Variants in SMCHD1 observed in about 807,000 individuals in gnomAD.
SMCHD1 encodes the protein structural maintenance of chromosomes flexible hinge domain containing 1.
In SMCHD1, 78 loss-of-function variants were observed where a neutral mutation model predicts 254.7. That is an observed-to-expected ratio of 0.31 (90% CI 0.26 to 0.37). The LOEUF (loss-of-function observed/expected upper bound fraction) is 0.37, where lower values mean the gene tolerates loss of function less well. Ranked by LOEUF, SMCHD1 falls within the 10% of genes least tolerant of loss-of-function variation. SMCHD1 has a pLI of 1.00. For synonymous variants in SMCHD1, 766 were observed against 794.9 expected, an observed-to-expected ratio of 0.96 and a Z score of 0.61; for missense variants, 1,840 against 2,408.1, an observed-to-expected ratio of 0.76 and a Z score of 4.94.
In SMCHD1 at chr18:2,796,521, G is replaced by A. The variant is rs763202284; in HGVS notation, c.5993G>A (p.Arg1998Lys). 6.4e-7 allele frequency: 1 copy of A among 1,567,736 alleles called. No individual in the cohort carries two copies. Among genetic ancestry groups the A allele is most frequent in the Non-Finnish European group, 8.7e-7 (1 of 1,148,350 alleles). Residue 1998 changes from arginine (R) to lysine (K), a missense_variant and splice_region_variant, in exon 47 of 48, where the codon AGG (arginine) becomes AAG (lysine). By Grantham distance (26) the Arg-to-Lys change is conservative (BLOSUM62 2). Coordinates refer to ENST00000320876, the MANE Select transcript of SMCHD1 (RefSeq NM_015295.3). ...RMRREATRQN[R>K]IITKTDV is the part of the protein sequence containing the mutation. Reference sequence around the variant, plus strand: ...AGACGAGAAGCTACAAGACAAAATAGGTGAGTTTGTTTGACCTGAGAATTA... The same window carrying A: ...AGACGAGAAGCTACAAGACAAAATAAGTGAGTTTGTTTGACCTGAGAATTA...
intron 8 of SMCHD1, among the ~76,000 whole-genome samples, chr18:2,694,945 A>T (rs1039140891): frequency 2.0e-5 from 3 of 152,220 alleles, no homozygotes; most frequent in Non-Finnish European, 4.4e-5. Context: ...TTATAAAATT[A>T]AAAAAGAACT....
At chr18:2,752,405 A>G in intron 33 of SMCHD1, 83 bp from the exon 34 acceptor site, 3 of 827,796 alleles carry the variant, frequency 3.6e-6, no homozygotes, top group Non-Finnish European at 6.2e-6. Context: ...CAGTTTAGGT[A>G]TATAATAAGC....
At chr18:2,787,058 G>T (rs1290131812) in intron 45 of SMCHD1, among the ~76,000 whole-genome samples, 2 of 152,144 alleles carry the variant, frequency 1.3e-5, no homozygotes, top group East Asian at 3.8e-4. Context: ...ACTTAATTTG[G>T]CATACACTTC....
At chr18:2,802,068 A>T (rs1411603085) in intron 47 of SMCHD1, among the ~76,000 whole-genome samples, 1 of 152,156 alleles carries the variant, frequency 6.6e-6, no homozygotes, top group South Asian at 2.1e-4. Flanking sequence ...AATTTTTAAA[A>T]TCTGTAGCTA....
At chr18:2,735,629 G>A (rs755820631) in intron 25 of SMCHD1, among the ~76,000 whole-genome samples, 5 of 152,068 alleles carry the variant, frequency 3.3e-5, no homozygotes, top group Admixed American at 6.5e-5. Flanking sequence ...TCTGTACTAC[G>A]TTTTAAGCTG....
chr18:2,709,492 T>C (rs1264812186), intron 17 of SMCHD1, among the ~76,000 whole-genome samples: 3 of 152,180 alleles, frequency 2.0e-5, no homozygotes, highest in Non-Finnish European at 2.9e-5. Context: ...GGTTGCCTCA[T>C]TGTACATTCC....
chr18:2,674,224 GC>G lies in SMCHD1; in HGVS notation c.638+80del, dbSNP rs2073688696. On this transcript the variant is annotated intron_variant, in intron 5 of 47. Transcript: ENST00000320876. Reference sequence around the variant, plus strand: ...ATAAAAAACTGGTATGCCTTTGGATGCATATGATACATTGGAGGTTTTACTG... The same window carrying G: ...ATAAAAAACTGGTATGCCTTTGGATGATATGATACATTGGAGGTTTTACTG... The G allele has an allele frequency of 3.3e-6, 4 of 1,200,568 alleles. No individual in the cohort carries two copies. The Admixed American group carries it at 1.2e-4, about 37-fold the overall frequency. 74.4% of individuals were successfully genotyped at this position (1,200,568 alleles called of 1,614,324 possible).
At chr18:2,772,076 T>C (rs2075994352) in intron 40 of SMCHD1, among the ~76,000 whole-genome samples, 174 bp from the exon 41 acceptor site, 1 of 152,148 alleles carries the variant, frequency 6.6e-6, no homozygotes, top group South Asian at 2.1e-4. Context: ...TTTTTAAAAT[T>C]GTGTTTTCTT....
intron 45 of SMCHD1, among the ~76,000 whole-genome samples, chr18:2,792,793 C>T (rs935850200): frequency 2.0e-5 from 3 of 151,954 alleles, no homozygotes; most frequent in South Asian, 2.1e-4. Flanking sequence ...TGAATAGTGA[C>T]GAAGATTAGT....
rs1224619867 is a variant in SMCHD1 at position 2,718,733 on chromosome 18, A to T, written c.2458+299A>T. 6.6e-6 allele frequency among the ~76,000 whole-genome samples: 1 copy of T among 151,792 alleles called. No homozygotes were observed. The highest frequency in any genetic ancestry group is 1.5e-5 in the Non-Finnish European group (1 of 67,928). ...ACCACACCTGGCTTTTTGTATTTTT[A>T]GTAAAGACAAAGTTTCGCCATGTTG... On this transcript the variant is annotated intron_variant, in intron 19 of 47. Coordinates refer to ENST00000320876, the MANE Select transcript of SMCHD1 (RefSeq NM_015295.3). The surrounding 1 kb of genome is among the most constrained non-coding windows in gnomAD (Gnocchi z 4.6).
chr18:2,685,222 C>G (rs2074023359), intron 5 of SMCHD1, among the ~76,000 whole-genome samples: 1 of 151,210 alleles, frequency 6.6e-6, no homozygotes, highest in South Asian at 2.1e-4. Flanking sequence ...GCCTCAGCCT[C>G]CCGAGTAGCT....
intron 45 of SMCHD1, among the ~76,000 whole-genome samples, chr18:2,787,255 T>C (rs1185033316): frequency 6.6e-6 from 1 of 152,112 alleles, no homozygotes; most frequent in Non-Finnish European, 1.5e-5. Flanking sequence ...AAGAATTCAC[T>C]CACTCCCAAG....
intron 5 of SMCHD1, among the ~76,000 whole-genome samples, chr18:2,676,319 A>G (rs1243666347): frequency 2.6e-5 from 4 of 152,118 alleles, no homozygotes; most frequent in East Asian, 3.8e-4. Flanking sequence ...GGATTGCTAG[A>G]AAAAAAATGT....
intron 13 of SMCHD1, among the ~76,000 whole-genome samples, chr18:2,704,455 G>T (rs1363360205): frequency 6.6e-6 from 1 of 152,106 alleles, no homozygotes; most frequent in Admixed American, 6.6e-5. Context: ...AGAATTCAGA[G>T]ATATAGGAGA....
Position 2,762,213 on chromosome 18 carries a change from A to G in SMCHD1, c.4543A>G (p.Arg1515Gly), listed in dbSNP as rs978051884. ...VRSVASRTLVRDLHLSITDDY... is the reference protein window; with the variant it reads ...VRSVASRTLVGDLHLSITDDY... ...CTCAGTTGCCAGTAGGACCTTGGTC[A>G]GAGATCTACATCTTAGTATCACGGT... Residue 1515 changes from arginine (R) to glycine (G), a missense_variant, in exon 36 of 48, where the codon AGA becomes GGA. Arg to Gly is a moderately radical substitution (Grantham distance 125). Around this residue, in one of 9 missense-constraint regions of SMCHD1, gnomAD observed 881 missense variants for 1,009.5 expected, o/e 0.87. Transcript: ENST00000320876. The G allele has an allele frequency of 6.2e-7, 1 of 1,612,144 alleles. No individual in the cohort carries two copies. The highest frequency in any genetic ancestry group is 1.3e-5 in the African/African-American group (1 of 74,446).
intron 10 of SMCHD1, 104 bp downstream of exon 10, chr18:2,698,145 T>C: frequency 1.2e-6 from 1 of 820,144 alleles, no homozygotes; most frequent in Non-Finnish European, 1.8e-6. Flanking sequence ...GTTAGATAAA[T>C]ATTAAATTTT....
chr18:2,672,719 T>G (rs1350808391), intron 3 of SMCHD1, among the ~76,000 whole-genome samples: 1 of 152,234 alleles, frequency 6.6e-6, no homozygotes, highest in Admixed American at 6.5e-5. Context: ...ACGTTGGTGG[T>G]GTGGTAGTGA....
At chr18:2,782,863 C>T (rs1276619956) in intron 44 of SMCHD1, among the ~76,000 whole-genome samples, 5 of 151,312 alleles carry the variant, frequency 3.3e-5, no homozygotes, top group Non-Finnish European at 5.9e-5. Flanking sequence ...TGTTGTTCAC[C>T]ACTAGAAAAC....
intron 45 of SMCHD1, among the ~76,000 whole-genome samples, chr18:2,785,647 CAA>C (rs1555656125): frequency 2.4e-4 from 3 of 12,676 alleles, no homozygotes; most frequent in East Asian, 3.1e-3. Flanking sequence ...GACTCTGTCT[CAA>C]AAAAAAAAAA....
Sources: allele counts gnomAD v4.1 joint callset (sites outside exome capture counted in the v4.1 genomes callset), GRCh38; gene constraint gnomAD v4.1.1; regional missense constraint gnomAD v4.1.1; non-coding constraint Gnocchi (gnomAD v3.1); transcripts MANE v1.5; gene names NCBI Gene and HGNC (gene_info 2026-07-23, HGNC 2026-07-21).